The following ACYP2 variants were observed in gnomAD, a reference collection of about 807,000 sequenced individuals.
The protein encoded by ACYP2 is acylphosphatase-2.
ACYP2 carries 12 observed loss-of-function variants against 11.2 expected under a neutral mutation model. The observed-to-expected ratio is 1.08, with a 90% confidence interval of 0.69 to 1.74. ACYP2 has a LOEUF of 1.74. ACYP2 is among the 40% of genes most tolerant of loss of function. The probability of loss-of-function intolerance (pLI) is 0.00; values close to 1 mark genes in which losing one functional copy is unlikely to be tolerated. For synonymous variants in ACYP2, 43 were observed against 32.2 expected, an observed-to-expected ratio of 1.33 and a Z score of -1.13; for missense variants, 134 against 101.9, an observed-to-expected ratio of 1.31 and a Z score of -1.35.
intron 4 of ACYP2, among the ~76,000 whole-genome samples, chr2:54,064,227 G>A (rs1676621762): frequency 1.3e-5 from 2 of 152,154 alleles, no homozygotes; most frequent in Non-Finnish European, 2.9e-5. Context: ...GGTCTTGGCA[G>A]GAGGCCCACT....
At chr2:54,227,156 C>A (rs1454445999) in intron 6 of ACYP2, among the ~76,000 whole-genome samples, 2 of 152,110 alleles carry the variant, frequency 1.3e-5, no homozygotes, top group African/African-American at 2.4e-5. Context: ...AATTTTAAAT[C>A]CAGTCTTAAA....
intron 2 of ACYP2, among the ~76,000 whole-genome samples, chr2:54,038,196 G>A (rs539002473): frequency 4.6e-5 from 7 of 152,250 alleles, no homozygotes; most frequent in African/African-American, 1.4e-4. Context: ...CATTTGTTCG[G>A]TTGTCCTTGG....
intron 6 of ACYP2, among the ~76,000 whole-genome samples, chr2:54,143,739 T>G (rs868351572): frequency 0.093 from 10,511 of 113,344 alleles, 621 homozygotes; most frequent in East Asian, 0.32. Flanking sequence ...GCCGGTTTTT[T>G]TTTTTTTTTT....
At chr2:54,006,425 G>A (rs577960583) in intron 2 of ACYP2, among the ~76,000 whole-genome samples, 8 of 152,190 alleles carry the variant, frequency 5.3e-5, no homozygotes, top group African/African-American at 1.9e-4. Context: ...GGGATTACAG[G>A]CATGAGCCAC....
At chr2:54,281,686 G>A (rs892774335) in intron 6 of ACYP2, among the ~76,000 whole-genome samples, 1 of 152,176 alleles carries the variant, frequency 6.6e-6, no homozygotes, top group Non-Finnish European at 1.5e-5. Flanking sequence ...GCTTACTCTT[G>A]TGAATCAGAG....
At chr2:54,126,960 A>AC (rs1262496794) in intron 4 of ACYP2, among the ~76,000 whole-genome samples, 1 of 151,954 alleles carries the variant, frequency 6.6e-6, no homozygotes, top group East Asian at 1.9e-4. Context: ...GTCTCAAAAA[A>AC]AAAAAAAAAA....
chr2:54,084,470 T>G (rs1677837029), intron 4 of ACYP2: 1 of 152,346 alleles, frequency 6.6e-6, no homozygotes, highest in Non-Finnish European at 1.5e-5. Context: ...TTTTGTATTT[T>G]TAGTAGAGAC....
chr2:54,136,355 A>C (rs965054025), intron 5 of ACYP2, among the ~76,000 whole-genome samples: 1 of 151,794 alleles, frequency 6.6e-6, no homozygotes, highest in Non-Finnish European at 1.5e-5. Flanking sequence ...TTTTTAAAGT[A>C]CTCCTTTCCT....
chr2:54,043,272 G>C (rs1675343602), intron 2 of ACYP2, among the ~76,000 whole-genome samples: 3 of 152,092 alleles, frequency 2.0e-5, no homozygotes, highest in Non-Finnish European at 4.4e-5. Flanking sequence ...ACAATCAAAA[G>C]GAATCCAATA....
chr2:54,202,076 CT>C (rs1684861343), intron 6 of ACYP2, among the ~76,000 whole-genome samples: 1 of 151,568 alleles, frequency 6.6e-6, no homozygotes, highest in Non-Finnish European at 1.5e-5. Flanking sequence ...CTTGAGTTAA[CT>C]TTTGCATACA....
chr2:54,135,386 G>C (rs1681161611), intron 4 of ACYP2, 67 bp from the exon 2 acceptor site: 1 of 1,495,958 alleles, frequency 6.7e-7, no homozygotes, highest in East Asian at 2.3e-5. Context: ...TAAAAGTTAA[G>C]TCAGGAAACA....
At chr2:54,136,142 A>C (rs1415792435) in intron 5 of ACYP2, among the ~76,000 whole-genome samples, 1 of 152,120 alleles carries the variant, frequency 6.6e-6, no homozygotes, top group African/African-American at 2.4e-5. Flanking sequence ...TAAGTGATCC[A>C]GCCACCTCAG....
chr2:54,139,975 T>C (rs1279981364), intron 6 of ACYP2, among the ~76,000 whole-genome samples: 4 of 152,238 alleles, frequency 2.6e-5, no homozygotes, highest in Non-Finnish European at 4.4e-5. Flanking sequence ...GACATTTCAG[T>C]AAACAGTAAA....
At chr2:54,135,302 G>T (rs1286417781) in intron 4 of ACYP2, 151 bp from the exon 2 acceptor site, 1 of 653,556 alleles carries the variant, frequency 1.5e-6, no homozygotes, top group Non-Finnish European at 2.6e-6. Context: ...ATTTAATATT[G>T]TAGGACCACA....
intron 6 of ACYP2, among the ~76,000 whole-genome samples, chr2:54,182,239 T>C (rs555744411): frequency 2.6e-5 from 4 of 151,906 alleles, no homozygotes; most frequent in African/African-American, 9.7e-5. Context: ...TTTGTATTTT[T>C]AGTAGAGACA....
At chr2:54,246,614 T>A (rs1686964583) in intron 6 of ACYP2, among the ~76,000 whole-genome samples, 2 of 152,178 alleles carry the variant, frequency 1.3e-5, no homozygotes, top group African/African-American at 4.8e-5. Flanking sequence ...TTCAATTGAA[T>A]GTCATAGGGT....
chr2:54,268,499 T>C (rs1478649524), intron 6 of ACYP2, among the ~76,000 whole-genome samples: 1 of 151,956 alleles, frequency 6.6e-6, no homozygotes, highest in Non-Finnish European at 1.5e-5. Flanking sequence ...ATCTACCCAA[T>C]GTATGGAAAG....
chr2:54,101,408 C>T (rs1286230642), intron 4 of ACYP2, among the ~76,000 whole-genome samples: 1 of 152,210 alleles, frequency 6.6e-6, no homozygotes, highest in African/African-American at 2.4e-5. Context: ...CGGTGGCTCA[C>T]GCCTGTAATC....
chr2:54,238,893 C>A (rs1283884052), intron 6 of ACYP2, among the ~76,000 whole-genome samples: 3 of 151,442 alleles, frequency 2.0e-5, no homozygotes, highest in Non-Finnish European at 4.4e-5. Flanking sequence ...ATAGGCCAGG[C>A]AGCTGGGTAC....
Sources: gnomAD v4.1 joint callset for allele counts (sites outside exome capture counted in the v4.1 genomes callset) on GRCh38, gnomAD v4.1.1 for gene constraint, MANE v1.5 for transcripts, NCBI Gene and HGNC (gene_info 2026-07-23, HGNC 2026-07-21) for gene names.